LNX1: variants seen among roughly 807,000 people sequenced by gnomAD.
LNX1 encodes the protein E3 ubiquitin-protein ligase LNX.
LNX1 carries 54 observed loss-of-function variants against 68.4 expected under a neutral mutation model. The observed-to-expected ratio is 0.79, with a 90% CI of 0.63 to 0.99. The LOEUF (loss-of-function observed/expected upper bound fraction) is 0.99, where lower values mean the gene tolerates loss of function less well. Ranked by LOEUF, LNX1 falls within the 50% of genes least tolerant of loss-of-function variation. LNX1 has a pLI of 0.00. For missense variants in LNX1, 906 were observed against 926.4 expected, an observed-to-expected ratio of 0.98 and a Z score of 0.29; for synonymous variants, 336 against 350.0, an observed-to-expected ratio of 0.96 and a Z score of 0.45.
intron 4 of LNX1, 52 bp from the exon 5 acceptor site, chr4:53,498,895 C>T (rs1725271466): frequency 7.4e-7 from 1 of 1,343,054 alleles, no homozygotes; most frequent in East Asian, 2.3e-5. Flanking sequence ...TGGACCTTTC[C>T]AACTACTCTT....
rs572774976 is a variant in LNX1 at position 53,651,696 on chromosome 4, A to G, written c.-215+472T>C. Among the ~76,000 whole-genome samples, 3 of 152,282 alleles carry G rather than the reference A, an allele frequency of 2.0e-5. No individual in the cohort carries two copies. The South Asian group carries it at 6.2e-4, about 32-fold the overall frequency. ...CGTGAGCAGGTCACAGCTTCTCTCA[A>G]CCTCTTTATCCATGGGTAAAACTGC... is the stretch of plus-strand genomic sequence containing the variant. On this transcript the variant is annotated intron_variant, in intron 1 of 2. Transcript: ENST00000507168.
At chr4:53,614,542 T>C (rs2616416) in intron 2 of LNX1, among the ~76,000 whole-genome samples, 62,571 of 152,032 alleles carry the variant, frequency 0.41, 12,879 homozygotes, top group Admixed American at 0.45. Context: ...GCACCCACAC[T>C]AGAAAAGCCA....
chr4:53,481,621 TA>T, intron 7 of LNX1, 98 bp downstream of exon 7: 1 of 1,350,816 alleles, frequency 7.4e-7, no homozygotes, highest in Non-Finnish European at 9.9e-7. Context: ...TTTCTTTAAG[TA>T]AAAAAGTCCA....
chr4:53,610,091 C>A (rs1182038962), intron 2 of LNX1, among the ~76,000 whole-genome samples: 1 of 151,820 alleles, frequency 6.6e-6, no homozygotes, highest in African/African-American at 2.4e-5. Flanking sequence ...AATAAATAAA[C>A]CTCCATATTC....
At chr4:53,472,027 C>T (rs1383885711) in intron 9 of LNX1, among the ~76,000 whole-genome samples, 1 of 152,176 alleles carries the variant, frequency 6.6e-6, no homozygotes, top group East Asian at 1.9e-4. Flanking sequence ...ACTATAAAGA[C>T]ACATGCACAC....
chr4:53,553,467 T>A (rs1560662086), intron 2 of LNX1, among the ~76,000 whole-genome samples: 1 of 152,158 alleles, frequency 6.6e-6, no homozygotes, highest in African/African-American at 2.4e-5. Flanking sequence ...ACTTCTGATA[T>A]GGGTGGTCCT....
upstream of LNX1, among the ~76,000 whole-genome samples, chr4:53,618,268 T>G (rs1427897313): frequency 6.6e-6 from 1 of 152,226 alleles, no homozygotes; most frequent in East Asian, 1.9e-4. Context: ...AATGTTATGA[T>G]GCAGGACTTG....
In LNX1 at chr4:53,575,574, G is replaced by T. The variant is rs78907433; in HGVS notation, c.-86-1486C>A. ...GAGCCCAGTGCAAACTAGGGCTCTGGGTCAACTTTCATGGTGATTAAGAAT... is the reference window on the plus strand; with the variant it reads ...GAGCCCAGTGCAAACTAGGGCTCTGTGTCAACTTTCATGGTGATTAAGAAT... On this transcript the variant is annotated intron_variant, in intron 1 of 10. Transcript: ENST00000263925. The T allele has an allele frequency of 2.1e-3, 2,602 of 1,263,092 alleles. 13 individuals carry two copies. Among genetic ancestry groups the T allele is most frequent in the African/African-American group, 0.014 (910 of 65,880 alleles). 78.2% of individuals were successfully genotyped at this position (1,263,092 alleles called of 1,614,324 possible).
At chr4:53,568,642 G>T (rs1424627490) in intron 2 of LNX1, among the ~76,000 whole-genome samples, 2 of 150,308 alleles carry the variant, frequency 1.3e-5, no homozygotes, top group East Asian at 1.9e-4. Context: ...ATTCAACATA[G>T]TGTTGGAAGT....
At chr4:53,581,194 G>A (rs185560711) in intron 1 of LNX1, among the ~76,000 whole-genome samples, 95 of 152,252 alleles carry the variant, frequency 6.2e-4, no homozygotes, top group Middle Eastern at 6.8e-3. Flanking sequence ...GTTGCAGCCT[G>A]AGGTCAAAGG....
At chr4:53,463,354 T>G (rs1173761046) in intron 9 of LNX1, among the ~76,000 whole-genome samples, 2 of 152,106 alleles carry the variant, frequency 1.3e-5, no homozygotes, top group African/African-American at 2.4e-5. Flanking sequence ...GTTCCTAGTT[T>G]TATTTAATTA....
At chr4:53,504,359 A>G (rs1163200671) in intron 4 of LNX1, among the ~76,000 whole-genome samples, 2 of 152,210 alleles carry the variant, frequency 1.3e-5, no homozygotes, top group Non-Finnish European at 2.9e-5. Context: ...CTAGCTTCCA[A>G]CTTTTCTCCT....
chr4:53,521,772 C>A (rs1225598420), intron 2 of LNX1, among the ~76,000 whole-genome samples: 2 of 152,036 alleles, frequency 1.3e-5, no homozygotes, highest in South Asian at 2.1e-4. Flanking sequence ...TAACTGAAAG[C>A]TCTTCTTCTT....
chr4:53,650,124 A>G (rs1363642380), intron 1 of LNX1, among the ~76,000 whole-genome samples: 1 of 152,186 alleles, frequency 6.6e-6, no homozygotes, highest in Non-Finnish European at 1.5e-5. Flanking sequence ...TTCAGGCCTG[A>G]TGCTGAGGAC....
intron 4 of LNX1, chr4:53,502,050 C>T (rs1055009750): frequency 7.9e-5 from 12 of 152,204 alleles, no homozygotes; most frequent in African/African-American, 2.9e-4. Flanking sequence ...TGACCTTCAC[C>T]TCATCTTCTG....
At chr4:53,554,314 G>A (rs1191685477) in intron 2 of LNX1, among the ~76,000 whole-genome samples, 1 of 152,158 alleles carries the variant, frequency 6.6e-6, no homozygotes, top group Admixed American at 6.5e-5. Context: ...TTTGAACCTG[G>A]TGTCTTTCCC....
chr4:53,586,630 T>TA (rs1732188267), intron 1 of LNX1, among the ~76,000 whole-genome samples: 1 of 152,320 alleles, frequency 6.6e-6, no homozygotes, highest in Non-Finnish European at 1.5e-5. Flanking sequence ...AGTGTACTAG[T>TA]CAGCCTACCA....
intron 1 of LNX1, chr4:53,575,993 A>G (rs1731464715): frequency 4.5e-6 from 7 of 1,561,778 alleles, no homozygotes; most frequent in South Asian, 1.2e-5. Flanking sequence ...ACGCTGCTCC[A>G]GCAGGCCCTC....
intron 2 of LNX1, among the ~76,000 whole-genome samples, chr4:53,569,022 C>G (rs1371676100): frequency 2.0e-5 from 3 of 150,542 alleles, no homozygotes; most frequent in African/African-American, 4.9e-5. Context: ...AGGATACAAA[C>G]AAATGGAAGA....
Sources: gnomAD v4.1 joint callset for allele counts (sites outside exome capture counted in the v4.1 genomes callset) on GRCh38, gnomAD v4.1.1 for gene constraint, MANE v1.5 for transcripts, NCBI Gene and HGNC (gene_info 2026-07-23, HGNC 2026-07-21) for gene names.